The following CTNNA3 variants were observed in gnomAD, a reference collection of about 807,000 sequenced individuals.
CTNNA3 encodes catenin alpha-3.
In CTNNA3, 76 loss-of-function variants were observed where a neutral mutation model predicts 95.7. The observed-to-expected ratio is 0.79, with a 90% CI of 0.66 to 0.96. The LOEUF (loss-of-function observed/expected upper bound fraction) is 0.96, where lower values mean the gene tolerates loss of function less well. CTNNA3 is among the 40% of genes least tolerant of loss of function. CTNNA3 has a pLI of 0.00. For synonymous variants in CTNNA3, 431 were observed against 374.4 expected, an observed-to-expected ratio of 1.15 and a Z score of -1.74; for missense variants, 1,191 against 1,089.8, an observed-to-expected ratio of 1.09 and a Z score of -1.31.
chr10:67,384,800 A>G (rs1844083975), intron 5 of CTNNA3, among the ~76,000 whole-genome samples: 1 of 152,228 alleles, frequency 6.6e-6, no homozygotes, highest in Non-Finnish European at 1.5e-5. Context: ...CAGCTGCTAC[A>G]TATAGAAGAT....
intron 5 of CTNNA3, among the ~76,000 whole-genome samples, chr10:67,241,051 T>G (rs150308637): frequency 0.027 from 4,121 of 152,316 alleles, 76 homozygotes; most frequent in South Asian, 0.091. Context: ...TTAGCAAAAT[T>G]CAGTGGCTGT....
At chr10:66,365,524 T>C (rs1159878604) in intron 12 of CTNNA3, among the ~76,000 whole-genome samples, 1 of 152,116 alleles carries the variant, frequency 6.6e-6, no homozygotes, top group Non-Finnish European at 1.5e-5. Flanking sequence ...AACCCAGAAC[T>C]TAAAGTATAA....
rs77675725 is a variant in CTNNA3 at position 66,314,450 on chromosome 10, A to G, written c.1733-33829T>C. Among the ~76,000 whole-genome samples the G allele has an allele frequency of 2.3e-4, 35 of 150,712 alleles. No individual in the cohort carries two copies. The East Asian group carries it at 5.6e-3, about 24-fold the overall frequency. ...CATCTGTGTGATTATGCTCTCATTGACCATCAGTTCCTAATTATCATGATC... is the reference window on the plus strand; with the variant it reads ...CATCTGTGTGATTATGCTCTCATTGGCCATCAGTTCCTAATTATCATGATC... On this transcript the variant is annotated intron_variant, in intron 12 of 17. Coordinates refer to ENST00000433211, the MANE Select transcript of CTNNA3 (RefSeq NM_013266.4).
At chr10:66,597,996 C>T (rs1407564364) in intron 10 of CTNNA3, among the ~76,000 whole-genome samples, 1 of 151,978 alleles carries the variant, frequency 6.6e-6, no homozygotes, top group Non-Finnish European at 1.5e-5. Context: ...GCCAATATCC[C>T]TGATAAATGT....
At chr10:66,361,366 TTC>T (rs1358475369) in intron 12 of CTNNA3, among the ~76,000 whole-genome samples, 3 of 113,478 alleles carry the variant, frequency 2.6e-5, no homozygotes, top group East Asian at 4.4e-4. Flanking sequence ...TTCTTTCCTT[TTC>T]TTTTTTCCTT....
chr10:66,596,474 T>A (rs1198901549), intron 10 of CTNNA3, among the ~76,000 whole-genome samples: 9 of 151,744 alleles, frequency 5.9e-5, no homozygotes, highest in Non-Finnish European at 1.5e-5. Context: ...TTGGGAGGAG[T>A]CATACTATAT....
At chr10:67,601,865 G>A (rs770916953) in intron 3 of CTNNA3, among the ~76,000 whole-genome samples, 9 of 151,868 alleles carry the variant, frequency 5.9e-5, no homozygotes, top group South Asian at 4.2e-4. Context: ...TCCTTTCACC[G>A]TCTCTCCTTT....
At chr10:66,648,342 G>T (rs763679647) in intron 9 of CTNNA3, among the ~76,000 whole-genome samples, 1 of 152,074 alleles carries the variant, frequency 6.6e-6, no homozygotes, top group Non-Finnish European at 1.5e-5. Context: ...GCCCGCCATG[G>T]TGAATGAGTG....
chr10:66,641,519 C>A (rs1845516505), intron 9 of CTNNA3, among the ~76,000 whole-genome samples: 1 of 152,080 alleles, frequency 6.6e-6, no homozygotes, highest in African/African-American at 2.4e-5. Context: ...ATTTATTATG[C>A]ACCATTAGAT....
chr10:67,200,174 G>C (rs1257559625), intron 6 of CTNNA3, among the ~76,000 whole-genome samples: 2 of 152,020 alleles, frequency 1.3e-5, no homozygotes, highest in Admixed American at 6.6e-5. Context: ...AATTTTTTCT[G>C]TACCCTGTAT....
At chr10:67,559,297 A>G (rs1197543846) in intron 3 of CTNNA3, among the ~76,000 whole-genome samples, 1 of 152,230 alleles carries the variant, frequency 6.6e-6, no homozygotes, top group African/African-American at 2.4e-5. Context: ...CAAAACTTCC[A>G]GAAGAATGAT....
rs182683991 is a variant in CTNNA3, at chr10:66,324,499, C to T, written c.1733-43878G>A. 7.2e-5 allele frequency among the ~76,000 whole-genome samples: 11 copies of T among 152,282 alleles called. No homozygotes were observed. The East Asian group carries it at 2.1e-3, about 29-fold the overall frequency. On this transcript the variant is annotated intron_variant, in intron 12 of 17. Coordinates refer to ENST00000433211, the MANE Select transcript of CTNNA3 (RefSeq NM_013266.4). ...GTTAACACTTAAAGCCATGTGCAGA[C>T]AGCAAGGCTAAGACAGCATTGTAAC...
intron 5 of CTNNA3, among the ~76,000 whole-genome samples, chr10:67,367,225 A>G (rs531996242): frequency 6.6e-6 from 1 of 152,322 alleles, no homozygotes; most frequent in South Asian, 2.1e-4. Flanking sequence ...AGGAACTTAG[A>G]AAATTCAACA....
Position 66,621,725 on chromosome 10 carries a change from A to G in CTNNA3, c.1341T>C (p.Ile447=). 1 of 1,612,276 alleles carries G rather than the reference A, an allele frequency of 6.2e-7. No homozygotes were observed. The highest frequency in any genetic ancestry group is 8.5e-7 in the Non-Finnish European group (1 of 1,179,126). Residue 447 remains isoleucine (I), a synonymous_variant, in exon 10 of 18, where the codon ATT becomes ATC. Transcript: ENST00000433211. Reference sequence around the variant, plus strand: ...ACAAGGTTTCCAAATGATTGGCTGCAATTTTGACAATTTTAATTCCATCTT... The same window carrying G: ...ACAAGGTTTCCAAATGATTGGCTGCGATTTTGACAATTTTAATTCCATCTT... ...TNEDGIKIVK[I]AANHLETLCP...
chr10:67,369,008 T>C lies in CTNNA3; in HGVS notation c.580-149138A>G, dbSNP rs546118004. On this transcript the variant is annotated intron_variant, in intron 5 of 17. Transcript: ENST00000433211. The stretch of plus-strand genomic sequence containing the variant: ...CATCAAATTGTACACTTAAAATGTA[T>C]GCACTCTACTTTAGGGGCTGAAGCA... Among the ~76,000 whole-genome samples, 29 of 152,292 alleles carry C rather than the reference T, an allele frequency of 1.9e-4. 1 individual carries two copies. The highest frequency in any genetic ancestry group is 6.3e-4 in the African/African-American group (26 of 41,570).
intron 7 of CTNNA3, among the ~76,000 whole-genome samples, chr10:66,861,538 C>T (rs1843928402): frequency 1.3e-5 from 2 of 152,064 alleles, no homozygotes. Context: ...ATCTCAGACC[C>T]TGAACTAGAA....
chr10:67,483,088 A>G (rs1037983537), intron 5 of CTNNA3, among the ~76,000 whole-genome samples: 27 of 152,056 alleles, frequency 1.8e-4, no homozygotes, highest in Non-Finnish European at 3.2e-4. Flanking sequence ...CACCAGTTAG[A>G]ATGGCAATCA....
At chr10:66,100,466 TA>T (rs1165918851) in intron 14 of CTNNA3, among the ~76,000 whole-genome samples, 10 of 152,288 alleles carry the variant, frequency 6.6e-5, no homozygotes, top group African/African-American at 2.2e-4. Flanking sequence ...AGGTTGAATA[TA>T]ATGTTGCCAC....
intron 5 of CTNNA3, among the ~76,000 whole-genome samples, chr10:67,512,587 C>A (rs1407410164): frequency 6.6e-6 from 1 of 151,944 alleles, no homozygotes; most frequent in Non-Finnish European, 1.5e-5. Flanking sequence ...AAATGATGTA[C>A]TTTCTGTATT....
Sources: allele counts gnomAD v4.1 joint callset (sites outside exome capture counted in the v4.1 genomes callset), GRCh38; gene constraint gnomAD v4.1.1; transcripts MANE v1.5; gene names NCBI Gene and HGNC (gene_info 2026-07-23, HGNC 2026-07-21).